NLGN1: variants seen among roughly 807,000 people sequenced by gnomAD.
NLGN1 encodes neuroligin 1.
Under a neutral mutation model 65.5 loss-of-function variants are expected in NLGN1, and 12 were observed. That is an observed-to-expected ratio of 0.18 (90% CI 0.12 to 0.30). The LOEUF (loss-of-function observed/expected upper bound fraction) is 0.30, where lower values mean the gene tolerates loss of function less well. Ranked by LOEUF, NLGN1 falls within the 10% of genes least tolerant of loss-of-function variation. The pLI, the probability that NLGN1 is intolerant of heterozygous loss-of-function variation, is 1.00. For synonymous variants in NLGN1, 350 were observed against 359.5 expected (o/e 0.97, Z 0.30); for missense variants, 750 against 1,007.1 (o/e 0.74, Z 3.46).
intron 4 of NLGN1, among the ~76,000 whole-genome samples, chr3:174,074,631 G>C (rs1350658420): frequency 6.6e-6 from 1 of 152,158 alleles, no homozygotes; most frequent in Non-Finnish European, 1.5e-5. Context: ...AGGGAAGCCA[G>C]TACAATCAAA....
rs1249202976 is a variant in NLGN1, at chr3:173,624,541, A to G, written c.493+19450A>G. 4.6e-5 allele frequency among the ~76,000 whole-genome samples: 7 copies of G among 152,110 alleles called. No individual in the cohort carries two copies. In the East Asian group the frequency reaches 1.3e-3, roughly 29 times the overall value. On this transcript the variant is annotated intron_variant, in intron 3 of 6. Coordinates refer to ENST00000457714, the Ensembl canonical transcript of NLGN1. ...GAATTAAGGATACATTAAGGAGACA[A>G]TTTCTTCTTTATATTTAAGAAGATT...
At chr3:173,622,380 C>T (rs924990987) in intron 3 of NLGN1, among the ~76,000 whole-genome samples, 5 of 151,950 alleles carry the variant, frequency 3.3e-5, no homozygotes, top group African/African-American at 7.3e-5. Flanking sequence ...TAGGCTGTTT[C>T]CTGAGACTCA....
chr3:173,617,688 C>T (rs1753332100), intron 3 of NLGN1, among the ~76,000 whole-genome samples: 1 of 152,204 alleles, frequency 6.6e-6, no homozygotes, highest in African/African-American at 2.4e-5. Flanking sequence ...TGGCTGCCAA[C>T]AGCCAGAGCT....
intron 3 of NLGN1, among the ~76,000 whole-genome samples, chr3:173,657,739 T>G (rs1760277682): frequency 6.6e-6 from 1 of 151,842 alleles, no homozygotes; most frequent in Admixed American, 6.6e-5. Context: ...GTTACTTTAT[T>G]CTCAGTAGCA....
intron 2 of NLGN1, among the ~76,000 whole-genome samples, chr3:173,542,202 C>A (rs988187978): frequency 2.0e-5 from 3 of 151,890 alleles, no homozygotes; most frequent in African/African-American, 7.2e-5. Flanking sequence ...AAATTCATTT[C>A]CCCTTTCTAA....
chr3:173,856,723 T>C (rs1333597380), intron 4 of NLGN1, among the ~76,000 whole-genome samples: 1 of 151,974 alleles, frequency 6.6e-6, no homozygotes, highest in Non-Finnish European at 1.5e-5. Flanking sequence ...TCCAAGGAGA[T>C]TTCTAAAGAA....
intron 3 of NLGN1, among the ~76,000 whole-genome samples, chr3:173,788,438 CA>C (rs1390729151): frequency 6.6e-6 from 1 of 151,834 alleles, no homozygotes; most frequent in African/African-American, 2.4e-5. Context: ...TGTGTGATAG[CA>C]AAAATTTTTA....
chr3:174,133,271 G>A (rs929446183), intron 4 of NLGN1, among the ~76,000 whole-genome samples: 5 of 152,274 alleles, frequency 3.3e-5, no homozygotes, highest in East Asian at 1.9e-4. Flanking sequence ...TCATTCCTTC[G>A]TAGAAGTCTC....
chr3:173,861,781 C>T (rs570698246), intron 4 of NLGN1, among the ~76,000 whole-genome samples: 94 of 151,530 alleles, frequency 6.2e-4, no homozygotes, highest in African/African-American at 2.1e-3. Flanking sequence ...TTTATTGAGA[C>T]AGAGTCTTGG....
intron 2 of NLGN1, among the ~76,000 whole-genome samples, chr3:173,533,277 AC>A (rs1160370784): frequency 6.6e-6 from 1 of 152,164 alleles, no homozygotes; most frequent in Non-Finnish European, 1.5e-5. Context: ...TATCCCCTTT[AC>A]TTACAGATTG....
chr3:174,293,561 C>T, the NLGN1 span, among the ~76,000 whole-genome samples: 6 of 151,470 alleles, frequency 4.0e-5, no homozygotes, highest in Admixed American at 1.3e-4. Flanking sequence ...AAGGAATTCT[C>T]AACGTCAGCT....
intron 2 of NLGN1, among the ~76,000 whole-genome samples, chr3:173,454,990 G>GGA (rs2148864197): frequency 6.6e-6 from 1 of 152,256 alleles, no homozygotes. Context: ...AGGAGCGGAA[G>GGA]GAGAGAGACT....
intron 4 of NLGN1, among the ~76,000 whole-genome samples, chr3:173,853,320 T>C (rs1183082190): frequency 6.6e-6 from 1 of 152,192 alleles, no homozygotes; most frequent in Non-Finnish European, 1.5e-5. Context: ...TGGGGCATAA[T>C]TAAAGAGAAG....
chr3:173,888,469 C>T (rs1208074824), intron 4 of NLGN1, among the ~76,000 whole-genome samples: 1 of 151,612 alleles, frequency 6.6e-6, no homozygotes, highest in Non-Finnish European at 1.5e-5. Flanking sequence ...CTTCTTTGTT[C>T]CCAGTAAATT....
chr3:173,964,271 G>C (rs887338218), intron 4 of NLGN1, among the ~76,000 whole-genome samples: 1 of 152,144 alleles, frequency 6.6e-6, no homozygotes, highest in African/African-American at 2.4e-5. Context: ...GTGAGTGGAG[G>C]GGTGAAAGAC....
chr3:173,897,643 TATACTG>T (rs1239652962), intron 4 of NLGN1, among the ~76,000 whole-genome samples: 2 of 152,210 alleles, frequency 1.3e-5, no homozygotes, highest in Non-Finnish European at 2.9e-5. Context: ...GGTAAAATGT[TATACTG>T]ATACCCTCAT....
At chr3:173,574,069 AAAAAAAAAAAAAAAG>A (rs942429778) in intron 2 of NLGN1, among the ~76,000 whole-genome samples, 1 of 150,440 alleles carries the variant, frequency 6.6e-6, no homozygotes, top group African/African-American at 2.4e-5. Flanking sequence ...CCTCAAAAAA[AAAAAAAAAAAAAAAG>A]AAAAAGAAAA....
chr3:173,739,673 ACT>A (rs1360310741), intron 3 of NLGN1, among the ~76,000 whole-genome samples: 2 of 151,968 alleles, frequency 1.3e-5, no homozygotes, highest in African/African-American at 4.8e-5. Flanking sequence ...AAAAAAAATG[ACT>A]CTATTTGGAA....
intron 4 of NLGN1, among the ~76,000 whole-genome samples, chr3:173,869,830 T>A (rs1488727336): frequency 6.6e-6 from 1 of 152,142 alleles, no homozygotes. Flanking sequence ...TGACTGAAAT[T>A]TTTTTTTGCT....
Sources: allele counts gnomAD v4.1 joint callset (sites outside exome capture counted in the v4.1 genomes callset), GRCh38; gene constraint gnomAD v4.1.1; transcripts MANE v1.5; gene names NCBI Gene and HGNC (gene_info 2026-07-23, HGNC 2026-07-21).